NTRK2: variants seen among roughly 807,000 people sequenced by gnomAD.
NTRK2 encodes the protein neurotrophic receptor tyrosine kinase 2, also known as BDNF/NT-3 growth factors receptor.
A neutral mutation model predicts 94.5 loss-of-function variants in NTRK2; 13 were observed. That is an observed-to-expected ratio of 0.14 (90% CI 0.09 to 0.22). NTRK2 has a LOEUF of 0.22. NTRK2 is among the 10% of genes least tolerant of loss of function. The probability of loss-of-function intolerance (pLI) is 1.00; values close to 1 mark genes in which losing one functional copy is unlikely to be tolerated. For synonymous variants in NTRK2, 372 were observed against 407.4 expected, an observed-to-expected ratio of 0.91 and a Z score of 1.05; for missense variants, 639 against 1,071.2, an observed-to-expected ratio of 0.60 and a Z score of 5.63.
rs560739127 is a variant in NTRK2, at chr9:84,967,459, G to A, written c.2172+11942G>A. 5.3e-5 allele frequency among the ~76,000 whole-genome samples: 8 copies of A among 152,366 alleles called. No homozygotes were observed. The East Asian group carries it at 1.4e-3, about 26-fold the overall frequency. ...TGTCAAGGTATCCTTGTGGGTGTCTGTATTGAAGTGTCACAGTATGAAGGC... is the reference window on the plus strand; with the variant it reads ...TGTCAAGGTATCCTTGTGGGTGTCTATATTGAAGTGTCACAGTATGAAGGC... On this transcript the variant is annotated intron_variant, in intron 17 of 18. Coordinates refer to ENST00000277120, the MANE Select transcript of NTRK2 (RefSeq NM_006180.6).
intron 17 of NTRK2, among the ~76,000 whole-genome samples, chr9:84,977,405 G>A (rs1227169844): frequency 6.6e-6 from 1 of 152,136 alleles, no homozygotes; most frequent in East Asian, 1.9e-4. Flanking sequence ...AAAAAACATG[G>A]TTCTAAATAG....
rs985376445 is a variant in NTRK2, at chr9:84,929,409, G to A, written c.1634-4753G>A. On this transcript the variant is annotated intron_variant, in intron 14 of 18. Coordinates refer to ENST00000277120, the MANE Select transcript of NTRK2 (RefSeq NM_006180.6). ...GTGCAGATCACACGAGTTTGGTGGTGTATTTCCTATAGCTCTTATTTGATT... is the reference window on the plus strand; with the variant it reads ...GTGCAGATCACACGAGTTTGGTGGTATATTTCCTATAGCTCTTATTTGATT... Among the ~76,000 whole-genome samples, 9 of 152,160 alleles carry A rather than the reference G, an allele frequency of 5.9e-5. No homozygotes were observed. In the East Asian group the frequency reaches 7.7e-4, roughly 13 times the overall value.
chr9:84,780,989 C>CTTTT (rs1316801062), intron 12 of NTRK2, among the ~76,000 whole-genome samples: 1 of 151,908 alleles, frequency 6.6e-6, no homozygotes, highest in Admixed American at 6.6e-5. Flanking sequence ...ATATTTGAGT[C>CTTTT]TTTTTTTTGT....
At chr9:84,733,269 C>G (rs1297309538) in intron 9 of NTRK2, among the ~76,000 whole-genome samples, 1 of 152,220 alleles carries the variant, frequency 6.6e-6, no homozygotes, top group Non-Finnish European at 1.5e-5. Context: ...ATCTTACACT[C>G]TCAAGGTGAA....
At chr9:84,726,973 T>C (rs2062508946) in intron 8 of NTRK2, among the ~76,000 whole-genome samples, 1 of 152,212 alleles carries the variant, frequency 6.6e-6, no homozygotes, top group African/African-American at 2.4e-5. Flanking sequence ...CAGGCTTAGA[T>C]TGGACCCCAA....
intron 13 of NTRK2, 45 bp downstream of exon 13, chr9:84,861,132 T>C (rs1408508191): frequency 1.4e-6 from 2 of 1,438,712 alleles, no homozygotes; most frequent in South Asian, 2.3e-5. Flanking sequence ...AATGAGTCTA[T>C]GTTTTTATTC....
intron 2 of NTRK2, among the ~76,000 whole-genome samples, chr9:84,678,398 TA>T (rs2059188022): frequency 6.6e-6 from 1 of 152,330 alleles, no homozygotes; most frequent in East Asian, 1.9e-4. Context: ...AATTGAAAGG[TA>T]TCGGAATTTT....
At chr9:84,877,189 G>A in intron 14 of NTRK2, 1 of 1,065,192 alleles carries the variant, frequency 9.4e-7, no homozygotes, top group Non-Finnish European at 1.1e-6. Flanking sequence ...ATCTTAGCCA[G>A]ATTTGAGTCT....
At chr9:85,018,363 T>C (rs1463257958) in intron 17 of NTRK2, among the ~76,000 whole-genome samples, 1 of 152,210 alleles carries the variant, frequency 6.6e-6, no homozygotes. Flanking sequence ...TCTTTGAAAA[T>C]GTGTGTGCCA....
intron 14 of NTRK2, chr9:84,876,244 T>C: frequency 9.6e-7 from 1 of 1,042,486 alleles, no homozygotes; most frequent in Non-Finnish European, 1.2e-6. Context: ...AGCCCTATAG[T>C]GTGCAGTTAT....
intron 17 of NTRK2, among the ~76,000 whole-genome samples, chr9:84,990,458 G>A (rs1828918510): frequency 6.6e-6 from 1 of 152,094 alleles, no homozygotes; most frequent in African/African-American, 2.4e-5. Context: ...ATTCATTCTC[G>A]AAGCCCAGGC....
At chr9:84,689,073 CA>C in intron 2 of NTRK2, among the ~76,000 whole-genome samples, 1 of 152,224 alleles carries the variant, frequency 6.6e-6, no homozygotes, top group East Asian at 1.9e-4. Context: ...ATGCTTATAG[CA>C]GTGCCTGACA....
intron 12 of NTRK2, among the ~76,000 whole-genome samples, chr9:84,760,820 A>G (rs1357799476): frequency 6.6e-6 from 1 of 152,214 alleles, no homozygotes; most frequent in Non-Finnish European, 1.5e-5. Context: ...ACACGACCTC[A>G]TGGAAACTTC....
At chr9:84,678,713 G>GAAACAAAACA (rs112666513) in intron 2 of NTRK2, among the ~76,000 whole-genome samples, 2 of 152,000 alleles carry the variant, frequency 1.3e-5, no homozygotes, top group African/African-American at 2.4e-5. Context: ...CAACTATGGT[G>GAAACAAAACA]AAACAAAACA....
intron 17 of NTRK2, among the ~76,000 whole-genome samples, chr9:85,008,811 G>A (rs893800700): frequency 1.4e-4 from 22 of 152,212 alleles, no homozygotes; most frequent in Non-Finnish European, 2.9e-4. Context: ...GCAGGACTGT[G>A]TCAAATCCTG....
intron 8 of NTRK2, among the ~76,000 whole-genome samples, chr9:84,726,617 C>T (rs1025876232): frequency 3.9e-5 from 6 of 152,160 alleles, no homozygotes; most frequent in Admixed American, 3.9e-4. Context: ...TGAACACATA[C>T]AGTCAAGAAG....
intron 12 of NTRK2, among the ~76,000 whole-genome samples, chr9:84,843,247 A>T (rs1372873822): frequency 2.0e-5 from 3 of 152,132 alleles, no homozygotes; most frequent in Non-Finnish European, 4.4e-5. Context: ...GTAGATGAGT[A>T]GTTATTATGC....
intron 14 of NTRK2, among the ~76,000 whole-genome samples, chr9:84,923,936 C>A (rs974452839): frequency 6.7e-6 from 1 of 150,102 alleles, no homozygotes; most frequent in Admixed American, 6.6e-5. Context: ...AACAAACAAA[C>A]AAACAAAAAA....
At chr9:84,909,301 C>T (rs531010994) in intron 14 of NTRK2, among the ~76,000 whole-genome samples, 1 of 152,212 alleles carries the variant, frequency 6.6e-6, no homozygotes, top group Admixed American at 6.5e-5. Flanking sequence ...AAATGTATCA[C>T]AGTTTGTTTA....
Sources: allele counts gnomAD v4.1 joint callset (sites outside exome capture counted in the v4.1 genomes callset), GRCh38; gene constraint gnomAD v4.1.1; transcripts MANE v1.5; gene names NCBI Gene and HGNC (gene_info 2026-07-23, HGNC 2026-07-21).